Variants in TMEM135 observed in about 807,000 individuals in gnomAD.
The protein encoded by TMEM135 is peroxisomal membrane protein 52.
Under a neutral mutation model 60.3 loss-of-function variants are expected in TMEM135, and 30 were observed. The ratio of observed to expected loss-of-function variants is 0.50; its 90% CI spans 0.37 to 0.68. TMEM135 has a LOEUF of 0.68. Among genes scored for constraint, TMEM135 ranks in the 30% least tolerant of loss-of-function variants. The pLI is 0.00. For synonymous variants in TMEM135, 190 were observed against 186.7 expected (o/e 1.02, Z -0.14); for missense variants, 468 against 548.8 (o/e 0.85, Z 1.47).
intron 3 of TMEM135, among the ~76,000 whole-genome samples, chr11:87,073,195 C>T (rs992173394): frequency 1.3e-5 from 2 of 151,982 alleles, no homozygotes; most frequent in African/African-American, 4.8e-5. Context: ...CCACCACGCC[C>T]AGCTAATTTT....
intron 9 of TMEM135, among the ~76,000 whole-genome samples, chr11:87,306,548 T>TTA (rs567695333): frequency 8.9e-4 from 136 of 152,264 alleles, no homozygotes; most frequent in African/African-American, 3.1e-3. Context: ...ATGCCTGGCA[T>TTA]AAATTCTTGA....
At position 87,321,816 on chromosome 11, in the gene TMEM135, T is replaced by C. The variant is rs756034043; in HGVS notation, c.*483T>C. On this transcript the variant is annotated 3_prime_UTR_variant, in exon 15 of 15. Transcript: ENST00000305494. ...TGGTATCTGTAGTAGTGGAATGTTATAGATTTGAAGTAACTCTCCACGGAC... is the reference window on the plus strand; with the variant it reads ...TGGTATCTGTAGTAGTGGAATGTTACAGATTTGAAGTAACTCTCCACGGAC... The C allele has an allele frequency of 2.0e-4, 89 of 454,404 alleles. No individual in the cohort carries two copies. Among genetic ancestry groups the C allele is most frequent in the Non-Finnish European group, 3.5e-4 (79 of 226,796 alleles). 28.1% of individuals were successfully genotyped at this position (454,404 alleles called of 1,614,324 possible).
chr11:87,138,524 C>T (rs575238959), intron 4 of TMEM135, among the ~76,000 whole-genome samples: 1 of 152,192 alleles, frequency 6.6e-6, no homozygotes, highest in African/African-American at 2.4e-5. Context: ...TAAATAAGCA[C>T]TTACTTGACA....
intron 5 of TMEM135, among the ~76,000 whole-genome samples, chr11:87,220,948 G>C (rs899343051): frequency 6.6e-6 from 1 of 152,008 alleles, no homozygotes; most frequent in African/African-American, 2.4e-5. Flanking sequence ...AATTAATGCG[G>C]ATGTATTCAC....
intron 4 of TMEM135, among the ~76,000 whole-genome samples, chr11:87,122,750 C>T (rs748615984): frequency 2.6e-5 from 4 of 152,078 alleles, no homozygotes; most frequent in Admixed American, 1.3e-4. Context: ...CGTGAGCCAC[C>T]GCGCCTGGCC....
At chr11:87,172,463 G>A (rs537792065) in intron 5 of TMEM135, among the ~76,000 whole-genome samples, 1 of 151,846 alleles carries the variant, frequency 6.6e-6, no homozygotes, top group African/African-American at 2.4e-5. Flanking sequence ...TTACGACACG[G>A]TATTAGGTAT....
At chr11:87,051,597 A>C (rs1174753137) in intron 1 of TMEM135, among the ~76,000 whole-genome samples, 1 of 57,778 alleles carries the variant, frequency 1.7e-5, no homozygotes, top group Non-Finnish European at 2.7e-5. Context: ...TAGGAATCCA[A>C]CTTACAAGGG....
At chr11:87,092,480 A>G (rs532298309) in intron 4 of TMEM135, among the ~76,000 whole-genome samples, 5 of 152,206 alleles carry the variant, frequency 3.3e-5, no homozygotes, top group Non-Finnish European at 7.4e-5. Flanking sequence ...GTGTTCATGG[A>G]CCACCAATTA....
At chr11:87,125,674 T>A (rs1937706233) in intron 4 of TMEM135, among the ~76,000 whole-genome samples, 1 of 152,196 alleles carries the variant, frequency 6.6e-6, no homozygotes, top group Non-Finnish European at 1.5e-5. Flanking sequence ...CATTGGAGAC[T>A]TTTAAAAAGC....
chr11:87,269,673 C>T (rs1181815311), intron 6 of TMEM135, among the ~76,000 whole-genome samples: 1 of 151,436 alleles, frequency 6.6e-6, no homozygotes, highest in African/African-American at 2.4e-5. Context: ...AGGACATGAA[C>T]TCATCGTTTT....
At chr11:87,250,901 G>A (rs1002550296) in intron 6 of TMEM135, among the ~76,000 whole-genome samples, 1 of 152,148 alleles carries the variant, frequency 6.6e-6, no homozygotes, top group Non-Finnish European at 1.5e-5. Context: ...ACAGGTAATA[G>A]GGGATGCTCT....
intron 1 of TMEM135, among the ~76,000 whole-genome samples, chr11:87,053,177 G>A (rs1428228092): frequency 1.1e-5 from 1 of 92,198 alleles, no homozygotes; most frequent in Admixed American, 1.5e-4. Context: ...GGTCGGGGGA[G>A]GGGGGAGGGA....
chr11:87,151,129 TA>T (rs747118359), intron 4 of TMEM135, among the ~76,000 whole-genome samples: 1 of 152,102 alleles, frequency 6.6e-6, no homozygotes, highest in Non-Finnish European at 1.5e-5. Context: ...TGTGAGTCTC[TA>T]AAAAATCACT....
intron 4 of TMEM135, among the ~76,000 whole-genome samples, chr11:87,136,119 T>C (rs1190887084): frequency 6.6e-6 from 1 of 152,000 alleles, no homozygotes; most frequent in Non-Finnish European, 1.5e-5. Flanking sequence ...AGCTTCTTTT[T>C]GATATGTTTC....
At chr11:87,258,495 C>T (rs763388949) in intron 6 of TMEM135, among the ~76,000 whole-genome samples, 3 of 152,174 alleles carry the variant, frequency 2.0e-5, no homozygotes, top group Non-Finnish European at 4.4e-5. Flanking sequence ...AGAAAGCAGT[C>T]ATTAATGGTC....
chr11:87,209,195 A>G (rs766741483), intron 5 of TMEM135, among the ~76,000 whole-genome samples: 3 of 152,230 alleles, frequency 2.0e-5, no homozygotes, highest in Non-Finnish European at 2.9e-5. Context: ...AAATCCTCAC[A>G]TATCAATATT....
intron 1 of TMEM135, among the ~76,000 whole-genome samples, chr11:87,041,482 G>C (rs1037525804): frequency 6.6e-6 from 1 of 152,078 alleles, no homozygotes; most frequent in Non-Finnish European, 1.5e-5. Context: ...ACTAAGTAGT[G>C]GAAAGAGTCA....
chr11:87,298,992 G>C (rs1942397988), intron 7 of TMEM135, among the ~76,000 whole-genome samples: 1 of 151,934 alleles, frequency 6.6e-6, no homozygotes, highest in Admixed American at 6.6e-5. Context: ...AGAGGCTGAG[G>C]CAGGAGAATT....
At chr11:87,237,190 T>C (rs1477066884) in intron 6 of TMEM135, among the ~76,000 whole-genome samples, 3 of 152,006 alleles carry the variant, frequency 2.0e-5, no homozygotes, top group Non-Finnish European at 4.4e-5. Flanking sequence ...CTCAGGTTTG[T>C]TGGGGGCTAA....
Sources: gnomAD v4.1 joint callset for allele counts (sites outside exome capture counted in the v4.1 genomes callset) on GRCh38, gnomAD v4.1.1 for gene constraint, MANE v1.5 for transcripts, NCBI Gene and HGNC (gene_info 2026-07-23, HGNC 2026-07-21) for gene names.